The following ERBB4 variants were observed in gnomAD, a reference collection of about 807,000 sequenced individuals.
The protein encoded by ERBB4 is erb-b2 receptor tyrosine kinase 4.
Under a neutral mutation model 158.0 loss-of-function variants are expected in ERBB4, and 42 were observed. That is an observed-to-expected ratio of 0.27 (90% CI 0.21 to 0.34). ERBB4 has a LOEUF of 0.34. Among genes scored for constraint, ERBB4 ranks in the 10% least tolerant of loss-of-function variants. The probability of loss-of-function intolerance (pLI) is 1.00; values close to 1 mark genes in which losing one functional copy is unlikely to be tolerated. For missense variants in ERBB4, 1,333 were observed against 1,624.1 expected, an observed-to-expected ratio of 0.82 and a Z score of 3.08; for synonymous variants, 583 against 558.7, an observed-to-expected ratio of 1.04 and a Z score of -0.61.
intron 4 of ERBB4, among the ~76,000 whole-genome samples, chr2:211,772,966 T>TTA: frequency 1.5e-5 from 2 of 134,822 alleles, no homozygotes; most frequent in Admixed American, 7.6e-5. Context: ...TTTTTTTTTT[T>TTA]AAAGATGGGG....
intron 3 of ERBB4, among the ~76,000 whole-genome samples, chr2:211,932,403 T>A (rs2080202219): frequency 6.6e-6 from 1 of 152,056 alleles, no homozygotes; most frequent in African/African-American, 2.4e-5. Flanking sequence ...TAAATGACAA[T>A]AATCAGAGTA....
intron 1 of ERBB4, among the ~76,000 whole-genome samples, chr2:212,152,511 T>C (rs866069054): frequency 1.3e-5 from 2 of 152,182 alleles, no homozygotes; most frequent in African/African-American, 2.4e-5. Context: ...GACTCTACCA[T>C]AGTCAGCCAT....
intron 3 of ERBB4, among the ~76,000 whole-genome samples, chr2:211,804,182 A>G (rs2076562101): frequency 6.6e-6 from 1 of 152,228 alleles, no homozygotes; most frequent in Admixed American, 6.5e-5. Context: ...TCATGTTAGT[A>G]TGGACCTGTT....
At chr2:211,440,213 T>C (rs965598384) in intron 20 of ERBB4, among the ~76,000 whole-genome samples, 3 of 152,160 alleles carry the variant, frequency 2.0e-5, no homozygotes, top group Admixed American at 2.0e-4. Flanking sequence ...ATGGTTACAA[T>C]AGGAGAAGCG....
intron 3 of ERBB4, among the ~76,000 whole-genome samples, chr2:211,939,251 G>A (rs2080417266): frequency 6.6e-6 from 1 of 152,114 alleles, no homozygotes; most frequent in African/African-American, 2.4e-5. Context: ...AGTGACATAT[G>A]AAGAACGGGT....
At chr2:212,334,623 C>T (rs2088340346) in intron 1 of ERBB4, among the ~76,000 whole-genome samples, 1 of 151,990 alleles carries the variant, frequency 6.6e-6, no homozygotes, top group South Asian at 2.1e-4. Flanking sequence ...TTGACTGGAT[C>T]AAGCCAGGCC....
intron 1 of ERBB4, among the ~76,000 whole-genome samples, chr2:212,169,601 G>A (rs574758640): frequency 1.3e-5 from 2 of 152,210 alleles, no homozygotes; most frequent in South Asian, 4.1e-4. Context: ...ATAGATGCAG[G>A]CAAAGATTTC....
At chr2:211,773,886 C>G (rs1322111035) in intron 4 of ERBB4, among the ~76,000 whole-genome samples, 1 of 151,554 alleles carries the variant, frequency 6.6e-6, no homozygotes, top group Non-Finnish European at 1.5e-5. Context: ...AGTGGCAACA[C>G]AATAGGATGT....
chr2:211,588,039 A>AC (rs1482793692), intron 19 of ERBB4, among the ~76,000 whole-genome samples: 1 of 152,190 alleles, frequency 6.6e-6, no homozygotes, highest in Non-Finnish European at 1.5e-5. Flanking sequence ...GAAGAATGTG[A>AC]CCGTTTTCTA....
chr2:211,913,471 C>A (rs2079590632), intron 3 of ERBB4, among the ~76,000 whole-genome samples: 2 of 151,890 alleles, frequency 1.3e-5, no homozygotes, highest in South Asian at 4.2e-4. Context: ...TGTGATGGTG[C>A]GTGCCTGTCA....
intron 1 of ERBB4, among the ~76,000 whole-genome samples, chr2:212,196,081 T>C (rs1393365737): frequency 6.6e-6 from 1 of 152,116 alleles, no homozygotes; most frequent in African/African-American, 2.4e-5. Flanking sequence ...ATGCCAAACC[T>C]ATCCCCACCA....
intron 4 of ERBB4, among the ~76,000 whole-genome samples, chr2:211,752,910 A>C (rs2075176026): frequency 6.6e-6 from 1 of 152,220 alleles, no homozygotes; most frequent in Non-Finnish European, 1.5e-5. Context: ...TACACATTTC[A>C]AAATTCTATT....
chr2:212,297,311 T>C (rs546251810), intron 1 of ERBB4, among the ~76,000 whole-genome samples: 7 of 152,122 alleles, frequency 4.6e-5, no homozygotes, highest in Non-Finnish European at 1.0e-4. Context: ...AACCACTTCA[T>C]TGGAACAAAG....
At position 211,661,798 on chromosome 2, in the gene ERBB4, G is replaced by A. The variant is rs2071429373; in HGVS notation, c.1871+3525C>T. Among the ~76,000 whole-genome samples the A allele has an allele frequency of 4.0e-5, 6 of 151,754 alleles. No individual in the cohort carries two copies. In the South Asian group the frequency reaches 1.3e-3, roughly 32 times the overall value. On this transcript the variant is annotated intron_variant, in intron 15 of 27. Coordinates refer to ENST00000342788, the MANE Select transcript of ERBB4 (RefSeq NM_005235.3). ...CTCACGCCTGTAATCCCAGCACTTT[G>A]GGAGGCCGAGGCGGGCGGATCACGA... is the stretch of plus-strand genomic sequence containing the variant.
intron 1 of ERBB4, among the ~76,000 whole-genome samples, chr2:212,130,492 T>G (rs1429321155): frequency 6.6e-6 from 1 of 152,114 alleles, no homozygotes; most frequent in African/African-American, 2.4e-5. Context: ...TGGATTAATT[T>G]GATTCATGGG....
chr2:211,530,733 GAAA>G (rs1241316926), intron 20 of ERBB4, among the ~76,000 whole-genome samples: 3 of 151,742 alleles, frequency 2.0e-5, no homozygotes, highest in Non-Finnish European at 4.4e-5. Flanking sequence ...ACAAAAAATA[GAAA>G]AAAATTGGCC....
Position 212,023,520 on chromosome 2 carries a change from T to A in ERBB4, c.235-75904A>T, listed in dbSNP as rs572269559. Among the ~76,000 whole-genome samples the A allele has an allele frequency of 4.0e-3, 604 of 151,312 alleles. 1 individual carries two copies. The highest frequency in any genetic ancestry group is 5.1e-3 in the Non-Finnish European group (347 of 67,684). On this transcript the variant is annotated intron_variant, in intron 2 of 27. Coordinates refer to ENST00000342788, the MANE Select transcript of ERBB4 (RefSeq NM_005235.3). ...AAAGCGTTTATACAAGTTAATTTTT[T>A]AAAAAAAACAGATGAATAAGTCAAT...
chr2:211,385,692 A>G (rs2062670458), intron 27 of ERBB4, among the ~76,000 whole-genome samples: 1 of 152,188 alleles, frequency 6.6e-6, no homozygotes, highest in Non-Finnish European at 1.5e-5. Flanking sequence ...CTGAGAATAC[A>G]GTGTGACTCT....
chr2:212,468,485 T>G (rs761460023), intron 1 of ERBB4, among the ~76,000 whole-genome samples: 4 of 152,146 alleles, frequency 2.6e-5, no homozygotes, highest in Non-Finnish European at 5.9e-5. Flanking sequence ...AGCTCTCTCT[T>G]AGCCTGCCGC....
Sources: allele counts gnomAD v4.1 joint callset (sites outside exome capture counted in the v4.1 genomes callset), GRCh38; gene constraint gnomAD v4.1.1; transcripts MANE v1.5; gene names NCBI Gene and HGNC (gene_info 2026-07-23, HGNC 2026-07-21).